The following MYBPC2 variants were observed in gnomAD, a reference collection of about 807,000 sequenced individuals.
The protein encoded by MYBPC2 is myosin binding protein C2, also known as myosin-binding protein C, fast-type.
Under a neutral mutation model 137.0 loss-of-function variants are expected in MYBPC2, and 122 were observed. The ratio of observed to expected loss-of-function variants is 0.89; its 90% CI spans 0.77 to 1.03. MYBPC2 has a LOEUF of 1.03. MYBPC2 is among the 50% of genes least tolerant of loss of function. The pLI, the probability that MYBPC2 is intolerant of heterozygous loss-of-function variation, is 0.00. For missense variants in MYBPC2, 1,500 were observed against 1,534.4 expected, an observed-to-expected ratio of 0.98 and a Z score of 0.37; for synonymous variants, 626 against 612.3, an observed-to-expected ratio of 1.02 and a Z score of -0.33.
chr19:50,441,119 AC>A, intron 8 of MYBPC2, 43 bp downstream of exon 8: 1 of 1,499,970 alleles, frequency 6.7e-7, no homozygotes, highest in South Asian at 1.3e-5. Flanking sequence ...CACACAAGGG[AC>A]CCCTAGCCTT....
chr19:50,435,908 G>A lies in MYBPC2; in HGVS notation c.196+46G>A, dbSNP rs141959621. On this transcript the variant is annotated intron_variant, in intron 3 of 27. Transcript: ENST00000357701. The surrounding 1 kb of genome is among the most constrained non-coding windows in gnomAD (Gnocchi z 4.8). ...GAGGGGCTGCGGCCCGGACTCCTGG[G>A]TCTGAGGGAGGAGGGGCCAGGGTCT... 6 of 1,551,828 alleles carry A rather than the reference G, an allele frequency of 3.9e-6. No individual in the cohort carries two copies. Among genetic ancestry groups the A allele is most frequent in the African/African-American group, 1.4e-5 (1 of 73,366 alleles).
At chr19:50,447,054 C>T (rs1362706342) in intron 12 of MYBPC2, among the ~76,000 whole-genome samples, 1 of 151,964 alleles carries the variant, frequency 6.6e-6, no homozygotes, top group African/African-American at 2.4e-5. Flanking sequence ...CTGGCCCAGG[C>T]CTTCCTTCCC....
At chr19:50,448,474 A>T (rs1568662904) in intron 13 of MYBPC2, 84 bp downstream of exon 13, 9 of 1,187,166 alleles carry the variant, frequency 7.6e-6, no homozygotes, top group East Asian at 2.9e-5. Context: ...TCCCCCATTT[A>T]TTTTTTTTTT....
rs1319339730 is a variant in MYBPC2 at position 50,454,195 on chromosome 19, C to T, written c.1909+16C>T. 6 of 1,613,838 alleles carry T rather than the reference C, an allele frequency of 3.7e-6. No homozygotes were observed. The highest frequency in any genetic ancestry group is 5.1e-6 in the Non-Finnish European group (6 of 1,179,838). On this transcript the variant is annotated intron_variant, in intron 17 of 27. Transcript: ENST00000357701. ...CAAGTTGTAGGTGAGCAGAGAAAGC[C>T]GAGGTGGCTGGGCCAAGGGGTGACT... is the stretch of plus-strand genomic sequence containing the variant.
Position 50,450,724 on chromosome 19 carries a change from G to T in MYBPC2, c.1473-105G>T. 3 of 740,058 alleles carry T rather than the reference G, an allele frequency of 4.1e-6. 1 individual carries two copies. In the Admixed American group the frequency reaches 8.0e-5, roughly 20 times the overall value. 45.8% of individuals were successfully genotyped at this position (740,058 alleles called of 1,614,324 possible). ...GCGTTCCAAAGCCCTGGATAAGAAT[G>T]CAGGCATGTGGACTGCACTGAGGGA... On this transcript the variant is annotated intron_variant, in intron 13 of 27. Transcript: ENST00000357701.
intron 24 of MYBPC2, among the ~76,000 whole-genome samples, chr19:50,461,331 TTGTC>T (rs957718373): frequency 2.6e-5 from 4 of 152,174 alleles, no homozygotes; most frequent in African/African-American, 9.7e-5. Flanking sequence ...TGATGTTCCT[TTGTC>T]TGGGCCGACT....
At chr19:50,455,870 G>T (rs957889742) in intron 20 of MYBPC2, among the ~76,000 whole-genome samples, 1 of 152,070 alleles carries the variant, frequency 6.6e-6, no homozygotes, top group Admixed American at 6.6e-5. Flanking sequence ...GTGACTTTCT[G>T]TCATTCCATC....
chr19:50,462,075 T>A (rs1439163967), intron 26 of MYBPC2, 39 bp downstream of exon 26: 1 of 1,545,432 alleles, frequency 6.5e-7, no homozygotes. Flanking sequence ...GTGTGTTGCC[T>A]TGTGGGGAAT....
chr19:50,461,896 C>T lies in MYBPC2; in HGVS notation c.3092-4C>T, dbSNP rs2039975021. ...CGCCTTACGGGTGCATCCTCTCTCC[C>T]CAGGAATCACCTTCAAACCGTTCGA... On this transcript the variant is annotated splice_polypyrimidine_tract_variant and splice_region_variant and intron_variant, in intron 25 of 27. Coordinates refer to ENST00000357701, the MANE Select transcript of MYBPC2 (RefSeq NM_004533.4). 1 of 1,594,484 alleles carries T rather than the reference C, an allele frequency of 6.3e-7. No homozygotes were observed. The highest frequency in any genetic ancestry group is 1.7e-5 in the Admixed American group (1 of 57,352).
chr19:50,459,189 G>A lies in MYBPC2; in HGVS notation c.2674G>A (p.Asp892Asn). 6.2e-7 allele frequency: 1 copy of A among 1,609,118 alleles called. No homozygotes were observed. The highest frequency in any genetic ancestry group is 8.5e-7 in the Non-Finnish European group (1 of 1,178,984). ...CTCCCGCGTGCACGTGCGGACCAGC[G>A]ACTTCGACACCGTGTTCTTCGTGCG... ...DTSRVHVRTS[D>N]FDTVFFVRQA... The change falls in exon 23 of 28, where the codon GAC (aspartate) becomes AAC (asparagine). Residue 892 changes from aspartate (D) to asparagine (N), a missense_variant. Asp to Asn is a conservative substitution (Grantham distance 23). Coordinates refer to ENST00000357701, the MANE Select transcript of MYBPC2 (RefSeq NM_004533.4).
At position 50,454,418 on chromosome 19, in the gene MYBPC2, CTGTT is replaced by C. The variant is rs770097588; in HGVS notation, c.2014+51_2014+54del. On this transcript the variant is annotated intron_variant, in intron 18 of 27. Coordinates refer to ENST00000357701, the MANE Select transcript of MYBPC2 (RefSeq NM_004533.4). Reference sequence around the variant, plus strand: ...CTCTGACCTTCCCTCTTTCTGCCTTCTGTTTTTTTTTTTTTTTTTTTTTTTGAGA... The same window carrying C: ...CTCTGACCTTCCCTCTTTCTGCCTTCTTTTTTTTTTTTTTTTTTTTTGAGA... The C allele has an allele frequency of 7.9e-3, 6,248 of 792,262 alleles. 9 individuals carry two copies. The highest frequency in any genetic ancestry group is 0.015 in the South Asian group (754 of 48,966). 49.1% of individuals were successfully genotyped at this position (792,262 alleles called of 1,614,324 possible). A position where few individuals can be genotyped will look rare whatever the true frequency, so the allele number is the denominator to read the frequency against.
chr19:50,459,008 T>C lies in MYBPC2; in HGVS notation c.2595+2T>C, dbSNP rs1463172443. 4.4e-6 allele frequency: 7 copies of C among 1,608,552 alleles called. No individual in the cohort carries two copies. Among genetic ancestry groups the C allele is most frequent in the Admixed American group, 1.7e-5 (1 of 59,580 alleles). The stretch of plus-strand genomic sequence containing the variant: ...CTCAACCTTGTCGTCCCCTTCCAGG[T>C]CAGGGGAGCGGGGTCACGGGCCGGG... On this transcript the variant is annotated splice_donor_variant, in intron 22 of 27. Transcript: ENST00000357701. LOFTEE classifies it high-confidence loss of function.
chr19:50,458,559 G>C, intron 20 of MYBPC2, 28 bp from the exon 21 acceptor site: 3 of 1,606,712 alleles, frequency 1.9e-6, no homozygotes, highest in Non-Finnish European at 2.5e-6. Flanking sequence ...GAGGGCACGA[G>C]ATCCGCCAGC....
rs774332668 is a variant in MYBPC2 at position 50,440,930 on chromosome 19, T to C, written c.623T>C (p.Leu208Pro). ...AAGAAAAAGAAAGATGACGATGACC[T>C]AGGCATCCCCCCGGAGATTTGGGAG... ...KKKKKKDDDD[L>P]GIPPEIWELL... The change falls in exon 8 of 28, where the codon CTA becomes CCA. Residue 208 changes from leucine to proline, a missense_variant. Leu to Pro is a moderately conservative substitution (Grantham distance 98, BLOSUM62 -3). Transcript: ENST00000357701. 1.2e-6 allele frequency: 2 copies of C among 1,613,658 alleles called. No individual in the cohort carries two copies. The highest frequency in any genetic ancestry group is 1.7e-6 in the Non-Finnish European group (2 of 1,179,768).
In MYBPC2 at chr19:50,442,283, A is replaced by G. The variant is rs1489950647; in HGVS notation, c.872A>G (p.Lys291Arg). Residue 291 changes from lysine (K) to arginine (R), a missense_variant, in exon 9 of 28, where the codon AAG becomes AGG. Coordinates refer to ENST00000357701, the MANE Select transcript of MYBPC2 (RefSeq NM_004533.4). Reference protein sequence around the residue: ...SDPDLTLKWFKNGQEIKPSSK... With the variant: ...SDPDLTLKWFRNGQEIKPSSK... ...CCAGACCTGACCCTCAAGTGGTTCA[A>G]GAACGGCCAGGAGATCAAACCAAGC... 4.4e-6 allele frequency: 7 copies of G among 1,608,378 alleles called. No individual in the cohort carries two copies. The highest frequency in any genetic ancestry group is 5.9e-6 in the Non-Finnish European group (7 of 1,177,482).
At chr19:50,452,536 CTATG>C (rs1422003618) in intron 16 of MYBPC2, among the ~76,000 whole-genome samples, 23 of 148,212 alleles carry the variant, frequency 1.6e-4, no homozygotes, top group African/African-American at 4.1e-4. Flanking sequence ...ATCTATCTAT[CTATG>C]TATCTATCTA....
intron 8 of MYBPC2, among the ~76,000 whole-genome samples, chr19:50,441,889 T>TA (rs111771283): frequency 8.4e-4 from 123 of 147,192 alleles, no homozygotes; most frequent in African/African-American, 2.0e-3. Context: ...TAAAATAAAA[T>TA]AAATAAATAA....
intron 5 of MYBPC2, 67 bp from the exon 6 acceptor site, chr19:50,437,406 G>C: frequency 2.0e-6 from 3 of 1,506,492 alleles, no homozygotes; most frequent in Non-Finnish European, 2.7e-6. Flanking sequence ...GCCTGGAGAG[G>C]GGCTCTCAGT....
At chr19:50,458,441 A>T (rs1162333182) in intron 20 of MYBPC2, 146 bp from the exon 21 acceptor site, 2 of 968,386 alleles carry the variant, frequency 2.1e-6, no homozygotes, top group Admixed American at 5.6e-5. Context: ...ATGAATGCTT[A>T]ACTAACTCCA....
Sources: gnomAD v4.1 joint callset for allele counts (sites outside exome capture counted in the v4.1 genomes callset) on GRCh38, gnomAD v4.1.1 for gene constraint, Gnocchi (gnomAD v3.1) non-coding constraint, MANE v1.5 for transcripts, NCBI Gene and HGNC (gene_info 2026-07-23, HGNC 2026-07-21) for gene names.